STOX2: variants seen among roughly 807,000 people sequenced by gnomAD.
STOX2 encodes the protein storkhead-box protein 2.
STOX2 carries 28 observed loss-of-function variants against 60.9 expected under a neutral mutation model. The observed-to-expected ratio is 0.46, with a 90% CI of 0.34 to 0.63. STOX2 has a LOEUF of 0.63. STOX2 is among the 30% of genes least tolerant of loss of function. STOX2 has a pLI of 0.01. For synonymous variants in STOX2, 472 were observed against 463.9 expected (o/e 1.02, Z -0.22); for missense variants, 1,024 against 1,187.7 (o/e 0.86, Z 2.03).
chr4:183,986,246 T>A (rs1228879173), intron 1 of STOX2, among the ~76,000 whole-genome samples: 1 of 152,258 alleles, frequency 6.6e-6, no homozygotes, highest in Admixed American at 6.5e-5. Context: ...GCCTATTAGG[T>A]CCTTATATGC....
chr4:183,811,477 A>C (rs1288748862), intron 1 of STOX2, among the ~76,000 whole-genome samples: 1 of 152,226 alleles, frequency 6.6e-6, no homozygotes, highest in African/African-American at 2.4e-5. Context: ...CCTTTGGGTG[A>C]CAAGTTTTGG....
chr4:183,949,716 A>G (rs1004277908), intron 1 of STOX2, among the ~76,000 whole-genome samples: 1 of 152,298 alleles, frequency 6.6e-6, no homozygotes, highest in African/African-American at 2.4e-5. Flanking sequence ...ACAAACAAAC[A>G]AAAACTTTCT....
chr4:183,928,310 C>T (rs960594730), intron 1 of STOX2, among the ~76,000 whole-genome samples: 4 of 152,118 alleles, frequency 2.6e-5, no homozygotes, highest in South Asian at 2.1e-4. Context: ...CCCATGGTCT[C>T]CTTTCTGTGC....
At chr4:183,833,789 C>T (rs866292903) in intron 1 of STOX2, among the ~76,000 whole-genome samples, 7 of 151,134 alleles carry the variant, frequency 4.6e-5, no homozygotes, top group Non-Finnish European at 8.9e-5. Flanking sequence ...GAGACCATCC[C>T]GGCTAAAAAC....
chr4:183,960,248 AG>A, intron 1 of STOX2: 1 of 152,320 alleles, frequency 6.6e-6, no homozygotes, highest in Middle Eastern at 3.4e-3. Flanking sequence ...ATGCTGGGTA[AG>A]ACCTAGAGTG....
At chr4:184,004,818 C>G (rs573332094) in intron 2 of STOX2, among the ~76,000 whole-genome samples, 1 of 152,238 alleles carries the variant, frequency 6.6e-6, no homozygotes, top group African/African-American at 2.4e-5. Context: ...TCCATTCATC[C>G]AGAATGATCA....
At chr4:183,799,441 A>C (rs747651256) in intron 1 of STOX2, among the ~76,000 whole-genome samples, 3 of 152,248 alleles carry the variant, frequency 2.0e-5, no homozygotes, top group Non-Finnish European at 4.4e-5. Context: ...GTAGTCATTT[A>C]TATGCACCGT....
intron 1 of STOX2, among the ~76,000 whole-genome samples, chr4:183,840,030 C>T (rs1739817297): frequency 6.6e-6 from 1 of 151,822 alleles, no homozygotes; most frequent in Non-Finnish European, 1.5e-5. Flanking sequence ...CTTTGTTTTT[C>T]ATGGACTCTG....
intron 1 of STOX2, among the ~76,000 whole-genome samples, chr4:183,839,238 TCA>T (rs1739789876): frequency 6.6e-6 from 1 of 152,242 alleles, no homozygotes; most frequent in African/African-American, 2.4e-5. Context: ...TTTGCTTTAT[TCA>T]CAGTCTACTG....
Position 184,017,217 on chromosome 4 carries a change from C to T in STOX2, c.2714C>T (p.Pro905Leu), listed in dbSNP as rs573523276. The change falls in exon 4 of 4, where the codon CCG becomes CTG. Residue 905 changes from proline to leucine, a missense_variant. Around this residue, in one of 3 missense-constraint regions of STOX2, gnomAD observed 922 missense variants for 1,058.3 expected, o/e 0.87. Transcript: ENST00000308497. ...AACTTCCGAGCGAGCGCGGAGCCCC[C>T]GACAAATGAAGCTGAGAAGCTACAG... ...AFNFRASAEP[P>L]TNEAEKLQKP... 2.2e-5 allele frequency: 35 copies of T among 1,610,236 alleles called. No homozygotes were observed. In the Admixed American group the frequency reaches 2.5e-4, roughly 12 times the overall value.
At chr4:183,838,671 C>A (rs929921616) in intron 1 of STOX2, among the ~76,000 whole-genome samples, 3 of 152,260 alleles carry the variant, frequency 2.0e-5, no homozygotes, top group African/African-American at 7.2e-5. Context: ...CAGTAATGCT[C>A]TTGCTCAAAA....
At chr4:184,004,426 C>T (rs377251063) in intron 2 of STOX2, among the ~76,000 whole-genome samples, 6 of 152,172 alleles carry the variant, frequency 3.9e-5, no homozygotes, top group South Asian at 2.1e-4. Flanking sequence ...GGTGAAACCC[C>T]GTCTCTACTA....
intron 1 of STOX2, among the ~76,000 whole-genome samples, chr4:183,995,279 C>A (rs1264495650): frequency 9.8e-6 from 1 of 101,840 alleles, no homozygotes; most frequent in Admixed American, 1.1e-4. Flanking sequence ...AAGGACAGGG[C>A]TTTATTTTAG....
chr4:183,816,893 G>T (rs746786478), intron 1 of STOX2, among the ~76,000 whole-genome samples: 6 of 152,178 alleles, frequency 3.9e-5, no homozygotes, highest in Non-Finnish European at 8.8e-5. Flanking sequence ...AGAGGAAATG[G>T]GGATGAAATT....
intron 1 of STOX2, among the ~76,000 whole-genome samples, chr4:183,913,890 A>T (rs1440482914): frequency 6.6e-6 from 1 of 152,108 alleles, no homozygotes. Flanking sequence ...ATACCACCTA[A>T]CCTATTTAAT....
chr4:183,990,272 A>G (rs751666494), intron 1 of STOX2, among the ~76,000 whole-genome samples: 2 of 152,136 alleles, frequency 1.3e-5, no homozygotes, highest in Non-Finnish European at 2.9e-5. Context: ...GTTCTCCCTA[A>G]TCACCCCAAC....
intron 1 of STOX2, among the ~76,000 whole-genome samples, chr4:183,899,533 G>A (rs1233841384): frequency 9.9e-5 from 15 of 152,214 alleles, no homozygotes; most frequent in Non-Finnish European, 1.5e-5. Flanking sequence ...GAGTGGTCTG[G>A]ACAGAAGACC....
intron 1 of STOX2, among the ~76,000 whole-genome samples, chr4:183,861,725 G>A (rs1740452254): frequency 6.6e-6 from 1 of 152,202 alleles, no homozygotes; most frequent in African/African-American, 2.4e-5. Context: ...GTGCCTCGCA[G>A]GGCGTAGGGC....
rs1734615191 is a variant in STOX2 at position 184,022,120 on chromosome 4, C to T, written c.*4836C>T. The T allele has an allele frequency of 1.3e-5, 2 of 152,156 alleles. No homozygotes were observed. Among genetic ancestry groups the T allele is most frequent in the South Asian group, 2.1e-4 (1 of 4,824 alleles). 9.4% of individuals were successfully genotyped at this position (152,156 alleles called of 1,614,324 possible). On this transcript the variant is annotated 3_prime_UTR_variant, in exon 4 of 4. Coordinates refer to ENST00000308497, the MANE Select transcript of STOX2 (RefSeq NM_020225.3). Reference sequence around the variant, plus strand: ...GGGCAGGACAAAGATTACTATTGGTCTGAGCTTTGCCAAGTGAGATAGAAT... The same window carrying T: ...GGGCAGGACAAAGATTACTATTGGTTTGAGCTTTGCCAAGTGAGATAGAAT...
Sources: gnomAD v4.1 joint callset for allele counts (sites outside exome capture counted in the v4.1 genomes callset) on GRCh38, gnomAD v4.1.1 for gene constraint, gnomAD v4.1.1 regional missense constraint, MANE v1.5 for transcripts, NCBI Gene and HGNC (gene_info 2026-07-23, HGNC 2026-07-21) for gene names.